RIPOR3: variants seen among roughly 807,000 people sequenced by gnomAD.
RIPOR3 encodes the protein family with sequence similarity 65 member C.
In RIPOR3, 95 loss-of-function variants were observed where a neutral mutation model predicts 114.3. That is an observed-to-expected ratio of 0.83 (90% CI 0.70 to 0.99). The LOEUF (loss-of-function observed/expected upper bound fraction) is 0.99. Ranked by LOEUF, RIPOR3 falls within the 50% of genes least tolerant of loss-of-function variation. The pLI is 0.00. For synonymous variants in RIPOR3, 575 were observed against 543.8 expected, an observed-to-expected ratio of 1.06 and a Z score of -0.80; for missense variants, 1,252 against 1,266.9, an observed-to-expected ratio of 0.99 and a Z score of 0.18.
chr20:50,588,749 G>GA (rs869194473), intron 20 of RIPOR3, among the ~76,000 whole-genome samples: 1,862 of 58,026 alleles, frequency 0.032, 38 homozygotes, highest in African/African-American at 0.087. Context: ...ATTCTCAAGT[G>GA]AAAAAAAAAA....
intron 4 of RIPOR3, 56 bp from the exon 5 acceptor site, chr20:50,611,260 A>G: frequency 6.2e-7 from 1 of 1,611,892 alleles, no homozygotes; most frequent in Non-Finnish European, 8.5e-7. Flanking sequence ...ATGTTCCTCC[A>G]AGGCCTATGA....
chr20:50,676,556 G>T (rs1234387921), intron 1 of RIPOR3, among the ~76,000 whole-genome samples: 1 of 152,046 alleles, frequency 6.6e-6, no homozygotes, highest in Admixed American at 6.6e-5. Flanking sequence ...GGAGGCTGAG[G>T]TAGGAGGATC....
At chr20:50,598,883 C>A (rs538968901) in intron 13 of RIPOR3, among the ~76,000 whole-genome samples, 1 of 141,344 alleles carries the variant, frequency 7.1e-6, no homozygotes, top group East Asian at 2.1e-4. Context: ...CCAGCCTGAG[C>A]GACAGAGCAA....
intron 6 of RIPOR3, among the ~76,000 whole-genome samples, chr20:50,610,012 ACCTG>A (rs1568854743): frequency 5.1e-4 from 15 of 29,196 alleles, no homozygotes; most frequent in Non-Finnish European, 9.3e-4. Flanking sequence ...CCCCTGCCTC[ACCTG>A]CCACCCCTGC....
chr20:50,679,104 C>CAAAAAAAAA (rs1215128742), intron 1 of RIPOR3, among the ~76,000 whole-genome samples: 1 of 35,988 alleles, frequency 2.8e-5, no homozygotes, highest in African/African-American at 2.2e-4. Context: ...GATCCTGTCT[C>CAAAAAAAAA]AAAAAAAAAA....
chr20:50,605,367 C>T (rs535863493), intron 11 of RIPOR3, among the ~76,000 whole-genome samples: 2 of 152,258 alleles, frequency 1.3e-5, no homozygotes, highest in Admixed American at 6.5e-5. Context: ...TCACAACCAA[C>T]CACGCGAGAC....
At chr20:50,633,349 G>T (rs6020653) in intron 1 of RIPOR3, among the ~76,000 whole-genome samples, 37,684 of 152,184 alleles carry the variant, frequency 0.25, 7,544 homozygotes, top group African/African-American at 0.56. Flanking sequence ...TTGGTGGTTT[G>T]AAATCAGCCA....
At chr20:50,660,490 C>T (rs756258311) in intron 1 of RIPOR3, among the ~76,000 whole-genome samples, 5 of 152,086 alleles carry the variant, frequency 3.3e-5, no homozygotes, top group South Asian at 2.1e-4. Context: ...TTCAGTCTCA[C>T]GAGAGTGACA....
intron 1 of RIPOR3, among the ~76,000 whole-genome samples, chr20:50,658,325 G>T (rs1345037143): frequency 6.6e-6 from 1 of 152,166 alleles, no homozygotes; most frequent in Non-Finnish European, 1.5e-5. Flanking sequence ...AAGACATTAT[G>T]ATAAGAAAAT....
At chr20:50,643,299 T>TG (rs1402064559) in intron 1 of RIPOR3, among the ~76,000 whole-genome samples, 3 of 130,504 alleles carry the variant, frequency 2.3e-5, no homozygotes, top group African/African-American at 6.3e-5. Flanking sequence ...TTTTTGTGTG[T>TG]GTTTTTTTTT....
intron 16 of RIPOR3, 140 bp downstream of exon 16, chr20:50,595,229 T>TGAGCC: frequency 8.8e-7 from 1 of 1,141,282 alleles, no homozygotes; most frequent in East Asian, 2.4e-5. Context: ...TGTGTATCTC[T>TGAGCC]GAGCCCAGCC....
At chr20:50,593,001 C>G (rs1467675251) in intron 18 of RIPOR3, 34 bp downstream of exon 18, 1 of 1,610,570 alleles carries the variant, frequency 6.2e-7, no homozygotes, top group East Asian at 2.2e-5. Context: ...CGTGGATATT[C>G]CTCTGCTATG....
rs138353663 is a variant in RIPOR3, at chr20:50,597,687, G to A, written c.1683C>T (p.His561=). ...RLKPCRARQE[H]TSAESLMECI... ...ACTCCATCAGGCTCTCGGCCGAGGT[G>A]TGCTCCTGCCGTGCTCTGCAGGGCT... is the stretch of plus-strand genomic sequence containing the variant. The change falls in exon 14 of 22, where the codon CAC becomes CAT. Residue 561 remains histidine (H), a synonymous_variant. Coordinates refer to ENST00000327979, the MANE Select transcript of RIPOR3 (RefSeq NM_001290268.2). 140 of 1,611,796 alleles carry A rather than the reference G, an allele frequency of 8.7e-5. No homozygotes were observed. Among genetic ancestry groups the A allele is most frequent in the Non-Finnish European group, 1.1e-4 (132 of 1,179,208 alleles).
chr20:50,623,790 C>T (rs938076156), intron 2 of RIPOR3, among the ~76,000 whole-genome samples: 8 of 152,112 alleles, frequency 5.3e-5, no homozygotes, highest in Non-Finnish European at 8.8e-5. Context: ...TCGCTAAGGG[C>T]TTTATAGAAA....
chr20:50,659,434 G>T (rs1036773940), intron 1 of RIPOR3, among the ~76,000 whole-genome samples: 4 of 151,962 alleles, frequency 2.6e-5, no homozygotes, highest in African/African-American at 9.7e-5. Flanking sequence ...ATCACCTGAG[G>T]TCAGGAGTTT....
intron 1 of RIPOR3, among the ~76,000 whole-genome samples, chr20:50,646,127 G>T (rs1024346427): frequency 6.6e-6 from 1 of 152,000 alleles, no homozygotes; most frequent in South Asian, 2.1e-4. Context: ...ATGTATTTAT[G>T]TATTTATTTA....
intron 1 of RIPOR3, among the ~76,000 whole-genome samples, chr20:50,633,106 C>T (rs1453956842): frequency 2.6e-5 from 4 of 152,036 alleles, no homozygotes; most frequent in African/African-American, 2.4e-5. Flanking sequence ...TACTAAAATA[C>T]AAAAAATTAG....
At chr20:50,610,122 C>T (rs1328206961) in intron 6 of RIPOR3, among the ~76,000 whole-genome samples, 1 of 136,276 alleles carries the variant, frequency 7.3e-6, no homozygotes, top group East Asian at 2.1e-4. Context: ...CCTGCCACCC[C>T]GGCCTCACCT....
intron 11 of RIPOR3, 77 bp downstream of exon 11, chr20:50,608,312 C>T: frequency 6.3e-7 from 1 of 1,589,806 alleles, no homozygotes; most frequent in East Asian, 2.2e-5. Context: ...GGTGCAGGAA[C>T]CCAGGGCCAG....
Sources: gnomAD v4.1 joint callset for allele counts (sites outside exome capture counted in the v4.1 genomes callset) on GRCh38, gnomAD v4.1.1 for gene constraint, MANE v1.5 for transcripts, NCBI Gene and HGNC (gene_info 2026-07-23, HGNC 2026-07-21) for gene names.